BCL10: variants seen among roughly 807,000 people sequenced by gnomAD.
BCL10 encodes the protein B-cell lymphoma/leukemia 10.
A neutral mutation model predicts 19.2 loss-of-function variants in BCL10; 5 were observed. That is an observed-to-expected ratio of 0.26 (90% CI 0.14 to 0.55). The LOEUF (loss-of-function observed/expected upper bound fraction) is 0.55. BCL10 is among the 20% of genes least tolerant of loss of function. The pLI is 0.94. For missense variants in BCL10, 201 were observed against 271.9 expected, an observed-to-expected ratio of 0.74 and a Z score of 1.83; for synonymous variants, 110 against 98.8, an observed-to-expected ratio of 1.11 and a Z score of -0.67.
At position 85,270,478 on chromosome 1, in the gene BCL10, GC is replaced by G; in HGVS notation, c.346+139del. 3 of 724,450 alleles carry G rather than the reference GC, an allele frequency of 4.1e-6. No homozygotes were observed. In the East Asian group the frequency reaches 8.2e-5, roughly 20 times the overall value. 44.9% of individuals were successfully genotyped at this position (724,450 alleles called of 1,614,324 possible). A position where few individuals can be genotyped will look rare whatever the true frequency, so the allele number is the denominator to read the frequency against. On this transcript the variant is annotated intron_variant, in intron 2 of 2. Transcript: ENST00000648566. The stretch of plus-strand genomic sequence containing the variant: ...TGTAGAGACAAAGTCTCGCTATGTT[GC>G]CCAGGCTGGTCTCAAAACTCCTGAC...
chr1:85,274,811 T>C (rs1461300549), intron 1 of BCL10, among the ~76,000 whole-genome samples: 2 of 152,114 alleles, frequency 1.3e-5, no homozygotes, highest in South Asian at 2.1e-4. Context: ...GAAAAAAGCA[T>C]GCACATAGTT....
At chr1:85,273,888 G>GA (rs1206113222) in intron 1 of BCL10, among the ~76,000 whole-genome samples, 1 of 152,092 alleles carries the variant, frequency 6.6e-6, no homozygotes, top group Non-Finnish European at 1.5e-5. Flanking sequence ...TACTTGGGGG[G>GA]AAAAAAACCC....
rs982200455 is a variant in BCL10, at chr1:85,267,377, A to T, written c.*250T>A. On this transcript the variant is annotated 3_prime_UTR_variant, in exon 3 of 3. Transcript: ENST00000648566. Reference sequence around the variant, plus strand: ...ATCAGTCTTAAAATAGAAAATATTTAAAAAAGTACTGAAAGACCTTAAAAA... The same window carrying T: ...ATCAGTCTTAAAATAGAAAATATTTTAAAAAGTACTGAAAGACCTTAAAAA... 81 of 384,724 alleles carry T rather than the reference A, an allele frequency of 2.1e-4. No homozygotes were observed. Among genetic ancestry groups the T allele is most frequent in the South Asian group, 4.5e-4 (8 of 17,664 alleles). The allele number at this position is 384,724 out of a possible 1,614,324, so 23.8% of individuals were successfully genotyped here.
chr1:85,276,079 C>A (rs1405770596), intron 1 of BCL10, among the ~76,000 whole-genome samples: 1 of 152,246 alleles, frequency 6.6e-6, no homozygotes, highest in African/African-American at 2.4e-5. Context: ...CCAAGCTCTG[C>A]GTTTAGCGAT....
intron 1 of BCL10, among the ~76,000 whole-genome samples, chr1:85,272,800 A>T (rs1660402744): frequency 6.6e-6 from 1 of 152,176 alleles, no homozygotes; most frequent in Non-Finnish European, 1.5e-5. Flanking sequence ...CAGGACATCA[A>T]GGAGGACTAA....
At chr1:85,272,790 C>G (rs986404463) in intron 1 of BCL10, among the ~76,000 whole-genome samples, 1 of 152,086 alleles carries the variant, frequency 6.6e-6, no homozygotes, top group African/African-American at 2.4e-5. Context: ...ACTTAACTCA[C>G]AGGACATCAA....
chr1:85,272,081 G>A (rs1345308795), intron 1 of BCL10, among the ~76,000 whole-genome samples: 1 of 152,118 alleles, frequency 6.6e-6, no homozygotes, highest in Non-Finnish European at 1.5e-5. Flanking sequence ...TACAGGAAAA[G>A]CACAGAGTGA....
chr1:85,275,195 T>C (rs1173684022), intron 1 of BCL10, among the ~76,000 whole-genome samples: 1 of 152,260 alleles, frequency 6.6e-6, no homozygotes, highest in African/African-American at 2.4e-5. Flanking sequence ...CTACAGTAGT[T>C]ATTTATGTTC....
rs892523518 is a variant in BCL10, at chr1:85,276,508, C to G, written c.-156G>C. The stretch of plus-strand genomic sequence containing the variant: ...GGCCGCCCCTTCGGGAACAGAGGGA[C>G]TCGGGGGTCAAACCGTAGCGCTTCC... On this transcript the variant is annotated 5_prime_UTR_variant, in exon 1 of 3. Coordinates refer to ENST00000648566, the MANE Select transcript of BCL10 (RefSeq NM_003921.5). 2.6e-6 allele frequency: 2 copies of G among 772,250 alleles called. No individual in the cohort carries two copies. The highest frequency in any genetic ancestry group is 4.2e-6 in the Non-Finnish European group (2 of 478,030). The allele number at this position is 772,250 out of a possible 1,614,324, so 47.8% of individuals were successfully genotyped here.
chr1:85,267,051 C>G lies in BCL10; in HGVS notation c.*576G>C, dbSNP rs1660218744. The G allele has an allele frequency of 5.2e-6, 1 of 190,526 alleles. No individual in the cohort carries two copies. The highest frequency in any genetic ancestry group is 2.3e-5 in the African/African-American group (1 of 42,890). The allele number at this position is 190,526 out of a possible 1,614,324, so 11.8% of individuals were successfully genotyped here. ...AAGGTTAATTAGAAATGAATTTTGG[C>G]AAACCGAGATCTTAGGTGGCTCACA... On this transcript the variant is annotated 3_prime_UTR_variant, in exon 3 of 3. Transcript: ENST00000648566.
At chr1:85,268,863 A>G (rs1660281238) in intron 2 of BCL10, among the ~76,000 whole-genome samples, 1 of 152,176 alleles carries the variant, frequency 6.6e-6, no homozygotes. Context: ...GAGAACTACA[A>G]TTCAATAGAT....
rs1660205173 is a variant in BCL10, at chr1:85,266,833, T to TGC, written c.*792_*793dup. On this transcript the variant is annotated 3_prime_UTR_variant, in exon 3 of 3. Coordinates refer to ENST00000648566, the MANE Select transcript of BCL10 (RefSeq NM_003921.5). ...GGCAGAAGTTGCAGTGAGCCTAGAA[T>TGC]GCGCCACTGCACTCCAGCCTGGGCG... 1 of 154,924 alleles carries TGC rather than the reference T, an allele frequency of 6.5e-6. No homozygotes were observed. Among genetic ancestry groups the TGC allele is most frequent in the Admixed American group, 9.5e-5 (1 of 10,552 alleles). 9.6% of individuals were successfully genotyped at this position (154,924 alleles called of 1,614,324 possible).
intron 2 of BCL10, among the ~76,000 whole-genome samples, chr1:85,268,492 G>C (rs538132390): frequency 1.7e-4 from 26 of 152,150 alleles, no homozygotes; most frequent in Admixed American, 8.5e-4. Context: ...AAAAAGGGCG[G>C]GGCATGGTGG....
chr1:85,270,469 C>T (rs755317874), intron 2 of BCL10, 149 bp downstream of exon 2: 8 of 680,896 alleles, frequency 1.2e-5, no homozygotes, highest in African/African-American at 9.2e-5. Context: ...GACAAAGTCT[C>T]GCTATGTTGC....
rs745539994 is a variant in BCL10, at chr1:85,270,759, A to G, written c.205T>C (p.Leu69=). 171 of 1,614,036 alleles carry G rather than the reference A, an allele frequency of 1.1e-4. No individual in the cohort carries two copies. The highest frequency in any genetic ancestry group is 1.4e-4 in the Non-Finnish European group (167 of 1,180,026). The change falls in exon 2 of 3, where the codon TTA becomes CTA. Residue 69 remains leucine (L), a synonymous_variant. Transcript: ENST00000648566. Reference sequence around the variant, plus strand: ...TTTGGGTTTTCCTGTAAGTAGTCTAACAATTTTCCAGCCCTTTTTCTACTT... The same window carrying G: ...TTTGGGTTTTCCTGTAAGTAGTCTAGCAATTTTCCAGCCCTTTTTCTACTT... ...TSSRKRAGKL[L]DYLQENPKGL...
In BCL10 at chr1:85,267,538, T is replaced by G; in HGVS notation, c.*89A>C. 1 of 1,101,382 alleles carries G rather than the reference T, an allele frequency of 9.1e-7. No individual in the cohort carries two copies. The highest frequency in any genetic ancestry group is 1.6e-5 in the African/African-American group (1 of 63,176). The allele number at this position is 1,101,382 out of a possible 1,614,324, so 68.2% of individuals were successfully genotyped here. Reference sequence around the variant, plus strand: ...TGCATTTTAAAAGACATGCATCAAATGTAAACAAATGATTACAGCCATTTT... The same window carrying G: ...TGCATTTTAAAAGACATGCATCAAAGGTAAACAAATGATTACAGCCATTTT... On this transcript the variant is annotated 3_prime_UTR_variant, in exon 3 of 3. Transcript: ENST00000648566.
At chr1:85,274,599 C>G (rs1007846970) in intron 1 of BCL10, among the ~76,000 whole-genome samples, 2 of 152,080 alleles carry the variant, frequency 1.3e-5, no homozygotes, top group African/African-American at 4.8e-5. Context: ...AATACAGCAG[C>G]AACAGTAAGC....
chr1:85,276,207 C>T (rs887893172), intron 1 of BCL10, 89 bp downstream of exon 1: 14 of 1,512,986 alleles, frequency 9.3e-6, no homozygotes, highest in Non-Finnish European at 6.4e-6. Flanking sequence ...GGAGGATCCT[C>T]CTTGTCCTCG....
chr1:85,271,923 T>C (rs114021058), intron 1 of BCL10, among the ~76,000 whole-genome samples: 1 of 152,208 alleles, frequency 6.6e-6, no homozygotes, highest in African/African-American at 2.4e-5. Flanking sequence ...ATTCCTAATA[T>C]GCCGAGTGCT....
Sources: allele counts gnomAD v4.1 joint callset (sites outside exome capture counted in the v4.1 genomes callset), GRCh38; gene constraint gnomAD v4.1.1; transcripts MANE v1.5; gene names NCBI Gene and HGNC (gene_info 2026-07-23, HGNC 2026-07-21).